Variants in TAOK3 observed in about 807,000 individuals in gnomAD.
TAOK3 encodes TAO kinase 3.
Under a neutral mutation model 120.4 loss-of-function variants are expected in TAOK3, and 40 were observed. The ratio of observed to expected loss-of-function variants is 0.33; its 90% confidence interval spans 0.26 to 0.43. The LOEUF is 0.43. TAOK3 is among the 20% of genes least tolerant of loss of function. The pLI is 1.00. For missense variants in TAOK3, 821 were observed against 1,112.1 expected (o/e 0.74, Z 3.72); for synonymous variants, 355 against 387.5 (o/e 0.92, Z 0.99).
intron 1 of TAOK3, among the ~76,000 whole-genome samples, chr12:118,317,299 T>A (rs1235253940): frequency 2.7e-5 from 3 of 112,546 alleles, no homozygotes; most frequent in African/African-American, 1.1e-4. Context: ...GCTGGGAGAA[T>A]TTTTTTTTTT....
chr12:118,346,660 A>G (rs907507258), intron 1 of TAOK3, among the ~76,000 whole-genome samples: 3 of 152,228 alleles, frequency 2.0e-5, no homozygotes, highest in Admixed American at 6.5e-5. Flanking sequence ...CTGGTAGTCT[A>G]TATAATTACA....
chr12:118,229,035 C>T (rs2039637748), intron 9 of TAOK3, among the ~76,000 whole-genome samples: 1 of 152,094 alleles, frequency 6.6e-6, no homozygotes, highest in Non-Finnish European at 1.5e-5. Context: ...GATTCTCCTA[C>T]CTCAGCTTCA....
intron 13 of TAOK3, among the ~76,000 whole-genome samples, chr12:118,194,902 C>T (rs1251162078): frequency 1.3e-5 from 2 of 152,068 alleles, no homozygotes; most frequent in Non-Finnish European, 2.9e-5. Flanking sequence ...GCGCGTGCCA[C>T]CACGCCCAGC....
At chr12:118,316,577 CT>C (rs964754549) in intron 1 of TAOK3, among the ~76,000 whole-genome samples, 77 of 147,040 alleles carry the variant, frequency 5.2e-4, no homozygotes, top group Admixed American at 4.8e-4. Context: ...GATTCTCTCT[CT>C]TTTTTTTTTT....
At chr12:118,152,034 A>T (rs2034481955) in intron 20 of TAOK3, among the ~76,000 whole-genome samples, 193 bp downstream of exon 20, 1 of 152,178 alleles carries the variant, frequency 6.6e-6, no homozygotes, top group African/African-American at 2.4e-5. Context: ...GTGGGGTCAG[A>T]CATGCGTGCC....
At chr12:118,320,104 ATAT>A (rs979732590) in intron 1 of TAOK3, among the ~76,000 whole-genome samples, 9 of 152,294 alleles carry the variant, frequency 5.9e-5, no homozygotes, top group African/African-American at 1.7e-4. Context: ...AAAAGGACAA[ATAT>A]TATATGATTC....
At position 118,160,149 on chromosome 12, in the gene TAOK3, T is replaced by C. The variant is rs1251313703; in HGVS notation, c.2349A>G (p.Gln783=). The change falls in exon 19 of 21, where the codon CAA becomes CAG. Residue 783 remains glutamine, a synonymous_variant. Coordinates refer to ENST00000392533, the MANE Select transcript of TAOK3 (RefSeq NM_016281.4). The surrounding 1 kb of genome is among the most constrained non-coding windows in gnomAD (Gnocchi z 4.2). ...GGCACCAAACCTAACCACTTACCGC[T>C]TGAGAGGCCATCATTTCATTTATAC... is the stretch of plus-strand genomic sequence containing the variant. ...EQSINEMMAS[Q]ALRLDEAQEA... 1 of 1,613,774 alleles carries C rather than the reference T, an allele frequency of 6.2e-7. No homozygotes were observed. Among genetic ancestry groups the C allele is most frequent in the Admixed American group, 1.7e-5 (1 of 60,032 alleles).
intron 9 of TAOK3, among the ~76,000 whole-genome samples, chr12:118,229,791 C>T (rs908841062): frequency 2.0e-5 from 3 of 151,876 alleles, no homozygotes; most frequent in Non-Finnish European, 2.9e-5. Context: ...ATTAGCCAGG[C>T]GTGGCGGCAT....
chr12:118,155,002 TA>T (rs1472906326), intron 19 of TAOK3, among the ~76,000 whole-genome samples: 1 of 144,190 alleles, frequency 6.9e-6, no homozygotes, highest in Non-Finnish European at 1.5e-5. Context: ...AATATATATA[TA>T]TATTTTTTTT....
At chr12:118,364,888 G>C (rs1009410351) in intron 1 of TAOK3, among the ~76,000 whole-genome samples, 1 of 152,210 alleles carries the variant, frequency 6.6e-6, no homozygotes, top group African/African-American at 2.4e-5. Context: ...CTGGGTGACA[G>C]AGCAAAACTC....
intron 1 of TAOK3, among the ~76,000 whole-genome samples, chr12:118,352,055 G>A (rs890880043): frequency 6.7e-6 from 1 of 149,952 alleles, no homozygotes; most frequent in African/African-American, 2.5e-5. Context: ...TTTATTTTTA[G>A]TAGAGATGGG....
intron 1 of TAOK3, among the ~76,000 whole-genome samples, chr12:118,267,777 C>T (rs2041517691): frequency 6.7e-6 from 1 of 149,350 alleles, no homozygotes; most frequent in Non-Finnish European, 1.5e-5. Flanking sequence ...CCCAGCTACT[C>T]AGGAGGCTGA....
At chr12:118,188,613 T>C (rs1361894676) in intron 14 of TAOK3, among the ~76,000 whole-genome samples, 2 of 152,214 alleles carry the variant, frequency 1.3e-5, no homozygotes, top group Non-Finnish European at 2.9e-5. Context: ...CATTTGGGTT[T>C]TTAAAGGTTA....
intron 1 of TAOK3, among the ~76,000 whole-genome samples, chr12:118,363,727 AGTGTGTGTGT>A (rs552898130): frequency 3.4e-5 from 5 of 147,506 alleles, no homozygotes; most frequent in African/African-American, 7.5e-5. Context: ...TGGTCAAGGC[AGTGTGTGTGT>A]GTGTGTGTGT....
chr12:118,220,723 A>G (rs930866738), intron 9 of TAOK3, among the ~76,000 whole-genome samples: 1 of 152,106 alleles, frequency 6.6e-6, no homozygotes, highest in Non-Finnish European at 1.5e-5. Flanking sequence ...AGCAAAGAGA[A>G]GGCCTGTAAG....
At chr12:118,165,707 A>C (rs11068856) in intron 17 of TAOK3, among the ~76,000 whole-genome samples, 4,876 of 152,310 alleles carry the variant, frequency 0.032, 249 homozygotes, top group East Asian at 0.23. Context: ...AGCAGTACAC[A>C]TTGTGAACTA....
intron 17 of TAOK3, 107 bp from the exon 18 acceptor site, chr12:118,162,134 T>G: frequency 2.2e-6 from 3 of 1,364,292 alleles, no homozygotes; most frequent in Non-Finnish European, 3.0e-6. Flanking sequence ...TAACCATCTC[T>G]TAATTAAACC....
chr12:118,356,941 C>T (rs1372701707), intron 1 of TAOK3, among the ~76,000 whole-genome samples: 1 of 152,084 alleles, frequency 6.6e-6, no homozygotes, highest in African/African-American at 2.4e-5. Context: ...AAGCAAGCTA[C>T]TACTTAGATC....
chr12:118,337,113 A>G (rs2044400518), intron 1 of TAOK3, among the ~76,000 whole-genome samples: 2 of 152,224 alleles, frequency 1.3e-5, no homozygotes, highest in African/African-American at 4.8e-5. Flanking sequence ...GAATTTCACT[A>G]AAGAGGATTT....
Sources: gnomAD v4.1 joint callset for allele counts (sites outside exome capture counted in the v4.1 genomes callset) on GRCh38, gnomAD v4.1.1 for gene constraint, Gnocchi (gnomAD v3.1) non-coding constraint, MANE v1.5 for transcripts, NCBI Gene and HGNC (gene_info 2026-07-23, HGNC 2026-07-21) for gene names.